The following EIF4G3 variants were observed in gnomAD, a reference collection of about 807,000 sequenced individuals.
EIF4G3 encodes the protein eIF-4-gamma 3.
Under a neutral mutation model 186.4 loss-of-function variants are expected in EIF4G3, and 34 were observed. The observed-to-expected ratio is 0.18, with a 90% CI of 0.14 to 0.24. EIF4G3 has a LOEUF of 0.24. Ranked by LOEUF, EIF4G3 falls within the 10% of genes least tolerant of loss-of-function variation. EIF4G3 has a pLI of 1.00. For missense variants in EIF4G3, 1,536 were observed against 1,948.5 expected (o/e 0.79, Z 3.99); for synonymous variants, 673 against 679.5 (o/e 0.99, Z 0.15).
At chr1:20,937,647 A>T (rs540065907) in intron 14 of EIF4G3, among the ~76,000 whole-genome samples, 57 of 152,208 alleles carry the variant, frequency 3.7e-4, no homozygotes, top group Non-Finnish European at 5.6e-4. Flanking sequence ...ATAATAAAAT[A>T]AAAAAGTCAC....
intron 2 of EIF4G3, among the ~76,000 whole-genome samples, chr1:21,168,256 T>A (rs1457197800): frequency 6.6e-6 from 1 of 151,622 alleles, no homozygotes; most frequent in Non-Finnish European, 1.5e-5. Context: ...ATACAAAAAA[T>A]TAGCCGGTCG....
intron 18 of EIF4G3, chr1:20,892,468 T>C: frequency 1.6e-6 from 1 of 641,338 alleles, no homozygotes; most frequent in South Asian, 1.8e-5. Context: ...GGGGGTGTAA[T>C]GGCAATCTGC....
chr1:20,890,164 G>A lies in EIF4G3; in HGVS notation c.2253+3353C>T, dbSNP rs535944669. Among the ~76,000 whole-genome samples the A allele has an allele frequency of 5.3e-5, 8 of 151,964 alleles. 1 individual carries two copies. Among genetic ancestry groups the A allele is most frequent in the South Asian group, 2.1e-4 (1 of 4,800 alleles). Reference sequence around the variant, plus strand: ...ATTTTCACATTTTTAGTAGACACACGGTTTTGTCATGTTGGCCAGGCTGGT... The same window carrying A: ...ATTTTCACATTTTTAGTAGACACACAGTTTTGTCATGTTGGCCAGGCTGGT... On this transcript the variant is annotated intron_variant, in intron 18 of 36. Coordinates refer to ENST00000602326, the MANE Select transcript of EIF4G3 (RefSeq NM_001391906.1).
rs151137215 is a variant in EIF4G3 at position 20,810,474 on chromosome 1, G to T, written c.4744+264C>A. 6.8e-4 allele frequency among the ~76,000 whole-genome samples: 103 copies of T among 152,218 alleles called. No individual in the cohort carries two copies. Among genetic ancestry groups the T allele is most frequent in the African/African-American group, 2.4e-3 (99 of 41,548 alleles). Reference sequence around the variant, plus strand: ...CAGCCATTTCTGTATTTTTAGTAGGGATAGGGTTTCACCATGTTGGCCAGG... The same window carrying T: ...CAGCCATTTCTGTATTTTTAGTAGGTATAGGGTTTCACCATGTTGGCCAGG... On this transcript the variant is annotated intron_variant, in intron 36 of 36. Coordinates refer to ENST00000602326, the MANE Select transcript of EIF4G3 (RefSeq NM_001391906.1). The surrounding 1 kb of genome is among the most constrained non-coding windows in gnomAD (Gnocchi z 4.1).
chr1:20,960,712 CTG>C (rs1048306021), intron 12 of EIF4G3, among the ~76,000 whole-genome samples: 1 of 152,056 alleles, frequency 6.6e-6, no homozygotes, highest in Non-Finnish European at 1.5e-5. Flanking sequence ...TGAGCTGTGA[CTG>C]TGTCACAGCA....
chr1:20,905,268 CTTGTGA>C (rs1313917337), intron 14 of EIF4G3, among the ~76,000 whole-genome samples: 1 of 152,164 alleles, frequency 6.6e-6, no homozygotes, highest in East Asian at 1.9e-4. Flanking sequence ...AGAAAACTGA[CTTGTGA>C]TTCAGTTCTA....
chr1:20,810,944 ATTTTCTTTCTT>A lies in EIF4G3; in HGVS notation c.4598-71_4598-61del, dbSNP rs2059117421. 1 of 1,523,856 alleles carries A rather than the reference ATTTTCTTTCTT, an allele frequency of 6.6e-7. No homozygotes were observed. The highest frequency in any genetic ancestry group is 8.9e-7 in the Non-Finnish European group (1 of 1,121,778). 94.4% of individuals were successfully genotyped at this position (1,523,856 alleles called of 1,614,324 possible). A position where few individuals can be genotyped will look rare whatever the true frequency, so the allele number is the denominator to read the frequency against. On this transcript the variant is annotated intron_variant, in intron 35 of 36. Coordinates refer to ENST00000602326, the MANE Select transcript of EIF4G3 (RefSeq NM_001391906.1). The surrounding 1 kb of genome is among the most constrained non-coding windows in gnomAD (Gnocchi z 4.1). ...AGGAGTTAACATAGAATTATCTTTAATTTTCTTTCTTTTTTCTTTTTTTGAGACAGAGCCTC... is the reference window on the plus strand; with the variant it reads ...AGGAGTTAACATAGAATTATCTTTAATTTTCTTTTTTTGAGACAGAGCCTC...
chr1:20,997,727 G>T, intron 6 of EIF4G3, 94 bp from the exon 7 acceptor site: 7 of 946,984 alleles, frequency 7.4e-6, no homozygotes, highest in Non-Finnish European at 9.1e-6. Context: ...TATGCCAAAA[G>T]AAAAAAAACC....
At chr1:21,029,746 A>T (rs2092562168) in intron 4 of EIF4G3, among the ~76,000 whole-genome samples, 1 of 152,232 alleles carries the variant, frequency 6.6e-6, no homozygotes, top group Non-Finnish European at 1.5e-5. Context: ...TTGAGAAAAG[A>T]AATGGATTAA....
rs1447865243 is a variant in EIF4G3, at chr1:21,176,175, T to G, written c.-272A>C. ...GCCGACAGGAAGGTGAAAAGGATACTGTTGGGGCGCCTGAGTCTGGAGGGC... is the reference window on the plus strand; with the variant it reads ...GCCGACAGGAAGGTGAAAAGGATACGGTTGGGGCGCCTGAGTCTGGAGGGC... On this transcript the variant is annotated splice_region_variant and 5_prime_UTR_variant, in exon 2 of 37. Coordinates refer to ENST00000602326, the MANE Select transcript of EIF4G3 (RefSeq NM_001391906.1). 4 of 406,398 alleles carry G rather than the reference T, an allele frequency of 9.8e-6. No homozygotes were observed. Among genetic ancestry groups the G allele is most frequent in the African/African-American group, 2.1e-5 (1 of 47,394 alleles). 25.2% of individuals were successfully genotyped at this position (406,398 alleles called of 1,614,324 possible).
At chr1:20,930,118 A>G (rs2154561002) in intron 14 of EIF4G3, among the ~76,000 whole-genome samples, 1 of 152,360 alleles carries the variant, frequency 6.6e-6, no homozygotes, top group East Asian at 1.9e-4. Flanking sequence ...TTGCTAAAAA[A>G]TACTAATGAT....
intron 2 of EIF4G3, among the ~76,000 whole-genome samples, chr1:21,164,586 A>T (rs2097824421): frequency 1.3e-5 from 2 of 152,074 alleles, no homozygotes; most frequent in African/African-American, 4.8e-5. Flanking sequence ...ACTAGGCAGG[A>T]GTGGTGGCTC....
At chr1:20,908,944 GT>G (rs1212080588) in intron 14 of EIF4G3, among the ~76,000 whole-genome samples, 15 of 152,152 alleles carry the variant, frequency 9.9e-5, no homozygotes, top group Admixed American at 9.8e-4. Context: ...GAGGTCAAGA[GT>G]TCGAGACCAG....
chr1:21,176,497 CG>C (rs1558323964), intron 1 of EIF4G3, 139 bp from the exon 2 acceptor site: 2 of 93,760 alleles, frequency 2.1e-5, no homozygotes, highest in Non-Finnish European at 4.3e-5. Context: ...GGGGAGGCGG[CG>C]GGAGCGGGGG....
rs71569804 is a variant in EIF4G3 at position 21,024,901 on chromosome 1, TA to T, written c.-66-22094del. Among the ~76,000 whole-genome samples the T allele has an allele frequency of 5.4e-3, 770 of 143,084 alleles. 3 individuals carry two copies. The highest frequency in any genetic ancestry group is 0.015 in the African/African-American group (586 of 38,590). The allele number at this position is 143,084 out of a possible 152,430, so 93.9% of individuals were successfully genotyped here. ...ATAATTATCAATAAAAAAATAAATTTAAAAAAAAAAAAAGAAAGTGGTGTAA... is the reference window on the plus strand; with the variant it reads ...ATAATTATCAATAAAAAAATAAATTTAAAAAAAAAAAAGAAAGTGGTGTAA... On this transcript the variant is annotated intron_variant, in intron 4 of 36. Coordinates refer to ENST00000602326, the MANE Select transcript of EIF4G3 (RefSeq NM_001391906.1).
At chr1:21,091,784 C>T (rs1035744401) in intron 2 of EIF4G3, among the ~76,000 whole-genome samples, 2 of 152,038 alleles carry the variant, frequency 1.3e-5, no homozygotes, top group Admixed American at 6.6e-5. Context: ...CATGATTTGG[C>T]TCTCTGTTTG....
At chr1:21,000,831 T>C (rs2083355190) in intron 6 of EIF4G3, among the ~76,000 whole-genome samples, 1 of 152,022 alleles carries the variant, frequency 6.6e-6, no homozygotes. Flanking sequence ...CACAGAAAAA[T>C]GGCTGACAAC....
chr1:20,986,820 G>T (rs1018748424), intron 7 of EIF4G3, among the ~76,000 whole-genome samples: 3 of 147,692 alleles, frequency 2.0e-5, no homozygotes, highest in Non-Finnish European at 4.5e-5. Context: ...TAAAAATGCT[G>T]CAAAGAGCTA....
chr1:21,132,070 A>G (rs9426654), intron 2 of EIF4G3, among the ~76,000 whole-genome samples: 5,094 of 152,240 alleles, frequency 0.033, 289 homozygotes, highest in African/African-American at 0.11. Flanking sequence ...AAGGCAATAG[A>G]AAGATCAATA....
Sources: allele counts gnomAD v4.1 joint callset (sites outside exome capture counted in the v4.1 genomes callset), GRCh38; gene constraint gnomAD v4.1.1; non-coding constraint Gnocchi (gnomAD v3.1); transcripts MANE v1.5; gene names NCBI Gene and HGNC (gene_info 2026-07-23, HGNC 2026-07-21).